The following SIGLEC9 variants were observed in gnomAD, a reference collection of about 807,000 sequenced individuals.
SIGLEC9 encodes the protein sialic acid binding Ig like lectin 9.
In SIGLEC9, 26 loss-of-function variants were observed where a neutral mutation model predicts 38.3. The ratio of observed to expected loss-of-function variants is 0.68; its 90% confidence interval spans 0.50 to 0.94. The LOEUF is 0.94. Ranked by LOEUF, SIGLEC9 falls within the 40% of genes least tolerant of loss-of-function variation. SIGLEC9 has a pLI of 0.00. For synonymous variants in SIGLEC9, 236 were observed against 248.0 expected (o/e 0.95, Z 0.45); for missense variants, 556 against 585.7 (o/e 0.95, Z 0.52).
Position 51,129,954 on chromosome 19 carries a change from C to G in SIGLEC9, c.1267C>G (p.Arg423Gly). Residue 423 changes from arginine (R) to glycine (G), a missense_variant, in exon 7 of 7, where the codon CGC becomes GGC. Transcript: ENST00000250360. ...PPDQPPPASA[R>G]SSVGEGELQY... is the part of the protein sequence containing the mutation. Reference sequence around the variant, plus strand: ...AGACCAGCCTCCCCCAGCTTCTGCCCGCTCCTCAGTGGGGGAAGGAGAGCT... The same window carrying G: ...AGACCAGCCTCCCCCAGCTTCTGCCGGCTCCTCAGTGGGGGAAGGAGAGCT... 1 of 1,613,778 alleles carries G rather than the reference C, an allele frequency of 6.2e-7. No homozygotes were observed. The highest frequency in any genetic ancestry group is 8.5e-7 in the Non-Finnish European group (1 of 1,179,814).
exon 7 of SIGLEC9, chr19:51,136,255 T>C: frequency 1.5e-6 from 1 of 687,018 alleles, no homozygotes; most frequent in Non-Finnish European, 2.6e-6. Flanking sequence ...GCTTTTATAT[T>C]CTCTGATGCC....
At chr19:51,135,888 A>G (rs2092038873) in intron 6 of SIGLEC9, 2 of 662,578 alleles carry the variant, frequency 3.0e-6, no homozygotes, top group Admixed American at 4.5e-5. Context: ...CGCTTGTATT[A>G]TGAAATTTTT....
At chr19:51,121,938 C>G (rs992113002), upstream of SIGLEC9, among the ~76,000 whole-genome samples, 7 of 151,526 alleles carry the variant, frequency 4.6e-5, no homozygotes, top group African/African-American at 1.7e-4. Flanking sequence ...CTCCCATCTT[C>G]CCTTCATGCT....
chr19:51,132,078 A>C (rs2092018989), downstream of SIGLEC9, among the ~76,000 whole-genome samples: 1 of 152,158 alleles, frequency 6.6e-6, no homozygotes, highest in Admixed American at 6.5e-5. Context: ...TGCTGTCTTC[A>C]AGGTAATGAG....
exon 7 of SIGLEC9, chr19:51,136,224 G>C (rs1283912176): frequency 1.4e-6 from 1 of 701,572 alleles, no homozygotes; most frequent in Non-Finnish European, 2.6e-6. Flanking sequence ...TGAAGTTGCT[G>C]TTCTTTGGAT....
upstream of SIGLEC9, among the ~76,000 whole-genome samples, chr19:51,123,360 G>C (rs2091955251): frequency 6.6e-6 from 1 of 152,210 alleles, no homozygotes; most frequent in Admixed American, 6.5e-5. Context: ...AGGGCCCCAG[G>C]GGAGCAGTGC....
In SIGLEC9 at chr19:51,125,262, C is replaced by T. The variant is rs1624495; in HGVS notation, c.288C>T (p.Asp96=). Residue 96 remains aspartate (D), a synonymous_variant, in exon 1 of 7, where the codon GAC becomes GAT. Coordinates refer to ENST00000250360, the MANE Select transcript of SIGLEC9 (RefSeq NM_014441.3). The part of the protein sequence containing the change: ...ETRDRFHLLG[D]PHTKNCTLSI... ...GGGACCGATTCCACCTCCTTGGGGACCCACATACCAAGAATTGCACCCTGA... is the reference window on the plus strand; with the variant it reads ...GGGACCGATTCCACCTCCTTGGGGATCCACATACCAAGAATTGCACCCTGA... The T allele has an allele frequency of 6.8e-6, 11 of 1,614,038 alleles. No individual in the cohort carries two copies. The highest frequency in any genetic ancestry group is 9.3e-6 in the Non-Finnish European group (11 of 1,179,974).
chr19:51,134,050 C>G (rs2092030250), downstream of SIGLEC9, among the ~76,000 whole-genome samples: 1 of 151,290 alleles, frequency 6.6e-6, no homozygotes, highest in Admixed American at 6.6e-5. Context: ...AAATTCATAA[C>G]AGTGACTGCC....
intron 1 of SIGLEC9, 45 bp from the exon 2 acceptor site, chr19:51,125,552 C>G: frequency 6.2e-7 from 1 of 1,602,914 alleles, no homozygotes; most frequent in Non-Finnish European, 8.5e-7. Flanking sequence ...CAGGGCTGCA[C>G]CATGGATCCT....
At chr19:51,132,664 TGGAATTG>T (rs2092022908), downstream of SIGLEC9, among the ~76,000 whole-genome samples, 1 of 152,210 alleles carries the variant, frequency 6.6e-6, no homozygotes. Flanking sequence ...CCCGCTCAGC[TGGAATTG>T]TCTGAGTGCT....
In SIGLEC9 at chr19:51,125,736, C is replaced by T. The variant is rs959231144; in HGVS notation, c.561C>T (p.Pro187=). The T allele has an allele frequency of 6.8e-6, 11 of 1,613,942 alleles. No individual in the cohort carries two copies. The African/African-American group carries it at 1.2e-4, about 18-fold the overall frequency. The change falls in exon 2 of 7, where the codon CCC becomes CCT. Residue 187 remains proline, a synonymous_variant. Coordinates refer to ENST00000250360, the MANE Select transcript of SIGLEC9 (RefSeq NM_014441.3). The part of the protein sequence containing the change: ...MISWIGTSVS[P]LDPSTTRSSV... ...CCTGGATAGGGACCTCCGTGTCCCC[C>T]CTGGACCCCTCCACCACCCGCTCCT... is the stretch of plus-strand genomic sequence containing the variant.
rs1365849347 is a variant in SIGLEC9 at position 51,125,813 on chromosome 19, G to C, written c.638G>C (p.Cys213Ser). 1.9e-6 allele frequency: 3 copies of C among 1,614,060 alleles called. No homozygotes were observed. Among genetic ancestry groups the C allele is most frequent in the Non-Finnish European group, 2.5e-6 (3 of 1,180,030 alleles). ...QPQDHGTSLTCQVTFPGASVT... is the reference protein window; with the variant it reads ...QPQDHGTSLTSQVTFPGASVT... ...CAGGACCATGGCACCAGCCTCACCT[G>C]TCAGGTGACCTTCCCTGGGGCCAGC... Residue 213 changes from cysteine (C) to serine (S), a missense_variant, in exon 2 of 7, where the codon TGT (cysteine) becomes TCT (serine). By Grantham distance (112) the Cys-to-Ser change is moderately radical (BLOSUM62 -1). Coordinates refer to ENST00000250360, the MANE Select transcript of SIGLEC9 (RefSeq NM_014441.3).
upstream of SIGLEC9, chr19:51,120,852 T>TC (rs2091948946): frequency 6.5e-6 from 1 of 153,278 alleles, no homozygotes; most frequent in East Asian, 1.9e-4. This position sits in a 1 kb window ranked among gnomAD's most constrained non-coding sequence, Gnocchi z 4.1. Flanking sequence ...ATTCTTTTTT[T>TC]TTTTTTTTTT....
At chr19:51,121,015 T>G (rs10406226), upstream of SIGLEC9, among the ~76,000 whole-genome samples, 18,808 of 151,980 alleles carry the variant, frequency 0.12, 3,927 homozygotes, top group African/African-American at 0.43. Flanking sequence ...CAGCTAATTT[T>G]TAAATTTTGG....
In SIGLEC9 at chr19:51,125,821, A is replaced by T. The variant is rs779717139; in HGVS notation, c.646A>T (p.Thr216Ser). ...TGGCACCAGCCTCACCTGTCAGGTG[A>T]CCTTCCCTGGGGCCAGCGTGACCAC... ...DHGTSLTCQV[T>S]FPGASVTTNK... The change falls in exon 2 of 7, where the codon ACC becomes TCC. Residue 216 changes from threonine (T) to serine (S), a missense_variant. Transcript: ENST00000250360. 97 of 1,613,928 alleles carry T rather than the reference A, an allele frequency of 6.0e-5. No individual in the cohort carries two copies. The highest frequency in any genetic ancestry group is 7.8e-5 in the Non-Finnish European group (92 of 1,179,984).
chr19:51,125,570 G>C, intron 1 of SIGLEC9, 27 bp from the exon 2 acceptor site: 1 of 1,606,800 alleles, frequency 6.2e-7, no homozygotes, highest in South Asian at 1.1e-5. Flanking sequence ...CCTCTGACCT[G>C]ATCCTGAGTC....
intron 6 of SIGLEC9, 49 bp downstream of exon 6, chr19:51,128,559 C>A: frequency 6.5e-7 from 1 of 1,545,422 alleles, no homozygotes; most frequent in Non-Finnish European, 8.9e-7. Flanking sequence ...GGACACCTCC[C>A]ACAGGATGAC....
In SIGLEC9 at chr19:51,126,862, G is replaced by A. The variant is rs901641561; in HGVS notation, c.749-168G>A. On this transcript the variant is annotated intron_variant, in intron 3 of 6. Transcript: ENST00000250360. ...TGAAAGATAAGCCCAAACTGTTCTC[G>A]ATGAAGCGGGGAGAAGTTTACATTC... is the stretch of plus-strand genomic sequence containing the variant. Among the ~76,000 whole-genome samples the A allele has an allele frequency of 7.2e-5, 11 of 152,322 alleles. No individual in the cohort carries two copies. The East Asian group carries it at 1.9e-3, about 27-fold the overall frequency.
chr19:51,126,934 G>C (rs1301211261), intron 3 of SIGLEC9, 96 bp from the exon 4 acceptor site: 1 of 1,100,322 alleles, frequency 9.1e-7, no homozygotes, highest in Admixed American at 2.0e-5. Context: ...TTCAGTCTAT[G>C]TCTGTGTGTC....
Sources: gnomAD v4.1 joint callset for allele counts (sites outside exome capture counted in the v4.1 genomes callset) on GRCh38, gnomAD v4.1.1 for gene constraint, Gnocchi (gnomAD v3.1) non-coding constraint, MANE v1.5 for transcripts, NCBI Gene and HGNC (gene_info 2026-07-23, HGNC 2026-07-21) for gene names.